The following CDH12 variants were observed in gnomAD, a reference collection of about 807,000 sequenced individuals.
CDH12 encodes the protein cadherin 12.
CDH12 carries 41 observed loss-of-function variants against 74.1 expected under a neutral mutation model. That is an observed-to-expected ratio of 0.55 (90% CI 0.43 to 0.72). CDH12 has a LOEUF of 0.72. CDH12 is among the 30% of genes least tolerant of loss of function. The pLI is 0.00. For missense variants in CDH12, 945 were observed against 977.2 expected, an observed-to-expected ratio of 0.97 and a Z score of 0.44; for synonymous variants, 399 against 355.0, an observed-to-expected ratio of 1.12 and a Z score of -1.39.
chr5:22,321,190 G>A (rs1471707753), intron 3 of CDH12, among the ~76,000 whole-genome samples: 5 of 151,892 alleles, frequency 3.3e-5, no homozygotes, highest in Admixed American at 6.6e-5. Flanking sequence ...AAAGACACAT[G>A]CACACGTTGT....
chr5:22,337,290 A>G (rs1025506287), intron 3 of CDH12, among the ~76,000 whole-genome samples: 1 of 152,220 alleles, frequency 6.6e-6, no homozygotes, highest in Admixed American at 6.5e-5. Context: ...TGGACTTTTG[A>G]TTTAATGCTG....
chr5:22,474,045 A>C (rs1438110294), intron 2 of CDH12, among the ~76,000 whole-genome samples: 2 of 152,162 alleles, frequency 1.3e-5, no homozygotes, highest in African/African-American at 4.8e-5. Flanking sequence ...ATCTTCTTAC[A>C]TAACACAGAG....
In CDH12 at chr5:22,032,714, A is replaced by G. The variant is rs534555793; in HGVS notation, c.231+45732T>C. ...TAGAGTGAGATTCCATCTCAAAAAA[A>G]AAAAATGTATATACATATTTTTGTA... On this transcript the variant is annotated intron_variant, in intron 5 of 14. Transcript: ENST00000382254. 4.0e-5 allele frequency among the ~76,000 whole-genome samples: 6 copies of G among 149,182 alleles called. No homozygotes were observed. In the South Asian group the frequency reaches 1.0e-3, roughly 26 times the overall value.
In CDH12 at chr5:22,352,515, G is replaced by C. The variant is rs189056497; in HGVS notation, c.-333+52742C>G. ...TCTGACAGGATTAGCCTGCTGACTT[G>C]CTGAGTTTATGAGCCCTGTAAAGAA... On this transcript the variant is annotated intron_variant, in intron 3 of 14. Coordinates refer to ENST00000382254, the MANE Select transcript of CDH12 (RefSeq NM_004061.5). Among the ~76,000 whole-genome samples the C allele has an allele frequency of 5.3e-5, 8 of 152,242 alleles. No individual in the cohort carries two copies. In the East Asian group the frequency reaches 1.5e-3, roughly 29 times the overall value.
At chr5:22,775,853 CA>C (rs1418207142) in intron 1 of CDH12, among the ~76,000 whole-genome samples, 1 of 151,976 alleles carries the variant, frequency 6.6e-6, no homozygotes, top group African/African-American at 2.4e-5. Context: ...GGGAGGGACC[CA>C]GGGGGGAGGT....
intron 1 of CDH12, among the ~76,000 whole-genome samples, chr5:22,756,466 AATT>A (rs1745920158): frequency 6.6e-6 from 1 of 152,128 alleles, no homozygotes; most frequent in African/African-American, 2.4e-5. Flanking sequence ...TTTATTCATG[AATT>A]ATTATTTTAA....
At chr5:21,811,888 G>A (rs1317435870) in intron 9 of CDH12, among the ~76,000 whole-genome samples, 1 of 151,902 alleles carries the variant, frequency 6.6e-6, no homozygotes, top group Non-Finnish European at 1.5e-5. Context: ...TTCTGTCACA[G>A]TGAAATGGCA....
At chr5:22,274,112 G>T (rs1325117373) in intron 3 of CDH12, among the ~76,000 whole-genome samples, 4 of 151,966 alleles carry the variant, frequency 2.6e-5, no homozygotes, top group Non-Finnish European at 4.4e-5. Flanking sequence ...TATTGTGATT[G>T]TTCCTTGCAT....
chr5:22,759,501 C>G (rs1397509957), intron 1 of CDH12, among the ~76,000 whole-genome samples: 1 of 152,150 alleles, frequency 6.6e-6, no homozygotes, highest in Non-Finnish European at 1.5e-5. Context: ...GGACTTACAG[C>G]TTACTCTTCA....
chr5:22,149,764 G>A (rs561252132), intron 4 of CDH12, among the ~76,000 whole-genome samples: 3 of 152,036 alleles, frequency 2.0e-5, no homozygotes, highest in Admixed American at 6.6e-5. Context: ...GAGCCACCAC[G>A]TCTGGGTGGA....
At chr5:22,811,350 C>T (rs1181129505) in intron 1 of CDH12, among the ~76,000 whole-genome samples, 3 of 152,176 alleles carry the variant, frequency 2.0e-5, no homozygotes, top group South Asian at 2.1e-4. Context: ...GCCACAGATG[C>T]CCTGTATGGG....
chr5:22,201,138 T>C (rs1191501065), intron 4 of CDH12, among the ~76,000 whole-genome samples: 1 of 152,154 alleles, frequency 6.6e-6, no homozygotes, highest in Non-Finnish European at 1.5e-5. Flanking sequence ...GGCTGGGTCA[T>C]AGACTGCTTG....
At chr5:22,314,941 CTTTTTTTTTTTTTTTT>C (rs759734847) in intron 3 of CDH12, among the ~76,000 whole-genome samples, 1 of 67,770 alleles carries the variant, frequency 1.5e-5, no homozygotes, top group Non-Finnish European at 2.5e-5. Context: ...CTGGGTTGGT[CTTTTTTTTTTTTTTTT>C]TTTTTTTTTT....
intron 5 of CDH12, among the ~76,000 whole-genome samples, chr5:22,026,864 G>A (rs904829842): frequency 2.6e-5 from 4 of 152,070 alleles, no homozygotes; most frequent in African/African-American, 9.7e-5. Flanking sequence ...ACCTGTACTG[G>A]CCTACCAGCA....
chr5:22,723,076 T>A (rs982354865), intron 1 of CDH12, among the ~76,000 whole-genome samples: 3 of 152,166 alleles, frequency 2.0e-5, no homozygotes, highest in African/African-American at 7.2e-5. Flanking sequence ...TCAGAAAATA[T>A]AATGCTACTG....
At chr5:22,701,123 A>G (rs1446072389) in intron 1 of CDH12, among the ~76,000 whole-genome samples, 4 of 152,018 alleles carry the variant, frequency 2.6e-5, no homozygotes, top group African/African-American at 9.7e-5. Context: ...AAACTTGCAA[A>G]TTTATTTCTC....
chr5:22,713,717 A>T (rs796591762), intron 1 of CDH12, among the ~76,000 whole-genome samples: 14 of 151,994 alleles, frequency 9.2e-5, no homozygotes, highest in African/African-American at 3.4e-4. Context: ...GGGTGTGTGT[A>T]TGTGTGTGTG....
At chr5:22,832,754 G>A (rs1247774514) in intron 1 of CDH12, among the ~76,000 whole-genome samples, 1 of 152,004 alleles carries the variant, frequency 6.6e-6, no homozygotes, top group African/African-American at 2.4e-5. Flanking sequence ...GTGGTTTTGT[G>A]GGAGACTAGG....
chr5:22,572,329 T>C (rs920507954), intron 1 of CDH12, among the ~76,000 whole-genome samples: 3 of 152,214 alleles, frequency 2.0e-5, no homozygotes, highest in Non-Finnish European at 4.4e-5. Flanking sequence ...TGGGTCAATA[T>C]TTTTCATCTT....
Sources: allele counts gnomAD v4.1 joint callset (sites outside exome capture counted in the v4.1 genomes callset), GRCh38; gene constraint gnomAD v4.1.1; transcripts MANE v1.5; gene names NCBI Gene and HGNC (gene_info 2026-07-23, HGNC 2026-07-21).